Variants in XPR1 observed in about 807,000 individuals in gnomAD.
The protein encoded by XPR1 is solute carrier family 53 member 1.
XPR1 carries 28 observed loss-of-function variants against 87.5 expected under a neutral mutation model. The ratio of observed to expected loss-of-function variants is 0.32; its 90% confidence interval spans 0.24 to 0.44. XPR1 has a LOEUF of 0.44. Ranked by LOEUF, XPR1 falls within the 20% of genes least tolerant of loss-of-function variation. XPR1 has a pLI of 1.00. For synonymous variants in XPR1, 300 were observed against 306.1 expected, an observed-to-expected ratio of 0.98 and a Z score of 0.21; for missense variants, 559 against 862.3, an observed-to-expected ratio of 0.65 and a Z score of 4.41.
intron 13 of XPR1, among the ~76,000 whole-genome samples, chr1:180,875,705 A>C (rs1010139523): frequency 2.6e-5 from 4 of 152,220 alleles, no homozygotes; most frequent in African/African-American, 9.6e-5. Flanking sequence ...GTAGAAGTAA[A>C]TATAAAGAAC....
In XPR1 at chr1:180,692,027, C is replaced by A. The variant is rs533125462; in HGVS notation, c.121+9616C>A. On this transcript the variant is annotated intron_variant, in intron 2 of 14. Coordinates refer to ENST00000367590, the MANE Select transcript of XPR1 (RefSeq NM_004736.4). ...CTCTCCCCAGTTTCCACTTTGTTAT[C>A]CTGCATATTTGTCTCTAAAAAAATT... Among the ~76,000 whole-genome samples, 1,127 of 152,174 alleles carry A rather than the reference C, an allele frequency of 7.4e-3. 10 individuals carry two copies. The highest frequency in any genetic ancestry group is 0.011 in the Non-Finnish European group (771 of 67,992).
intron 3 of XPR1, among the ~76,000 whole-genome samples, chr1:180,800,221 G>T (rs1649730917): frequency 6.6e-6 from 1 of 152,154 alleles, no homozygotes; most frequent in Non-Finnish European, 1.5e-5. Context: ...TCTCATCTGG[G>T]CTGATATTTC....
chr1:180,834,608 A>C (rs546298176), intron 9 of XPR1, among the ~76,000 whole-genome samples: 1 of 152,352 alleles, frequency 6.6e-6, no homozygotes, highest in Non-Finnish European at 1.5e-5. Context: ...TTTGCAAAGA[A>C]TTAGCAGCAT....
chr1:180,818,019 G>A (rs78771802), intron 7 of XPR1, among the ~76,000 whole-genome samples: 1 of 150,280 alleles, frequency 6.7e-6, no homozygotes, highest in Non-Finnish European at 1.5e-5. Flanking sequence ...AAAAAAAAAG[G>A]CCTGGAATAG....
At chr1:180,835,098 A>T in intron 10 of XPR1, 53 bp downstream of exon 10, 1 of 1,556,076 alleles carries the variant, frequency 6.4e-7, no homozygotes, top group African/African-American at 1.4e-5. Context: ...AAACCAAGAT[A>T]TATTGGGAAG....
intron 1 of XPR1, among the ~76,000 whole-genome samples, chr1:180,677,874 G>A (rs1656419727): frequency 6.6e-6 from 1 of 152,186 alleles, no homozygotes; most frequent in Non-Finnish European, 1.5e-5. Flanking sequence ...TTAGAAGCAA[G>A]GTAGAGTTGG....
In XPR1 at chr1:180,880,188, C is replaced by T. The variant is rs755131272; in HGVS notation, c.1921C>T (p.Leu641Phe). Residue 641 changes from leucine to phenylalanine, a missense_variant, in exon 14 of 15, where the codon CTC (leucine) becomes TTC (phenylalanine). Leu to Phe is a conservative substitution (Grantham distance 22). Coordinates refer to ENST00000367590, the MANE Select transcript of XPR1 (RefSeq NM_004736.4). ...VAPLNADDQT[L>F]LEQMMDQDDG... The stretch of plus-strand genomic sequence containing the variant: ...CCCCCTGAACGCAGATGATCAGACT[C>T]TCCTAGAACAGATGATGGACCAGGA... 4 of 1,614,182 alleles carry T rather than the reference C, an allele frequency of 2.5e-6. No individual in the cohort carries two copies. Among genetic ancestry groups the T allele is most frequent in the South Asian group, 1.1e-5 (1 of 91,086 alleles).
intron 11 of XPR1, among the ~76,000 whole-genome samples, chr1:180,840,229 C>A (rs1250006482): frequency 7.6e-4 from 51 of 66,810 alleles, no homozygotes; most frequent in African/African-American, 1.3e-3. Context: ...GACTCTGTCT[C>A]AAAAAAAAAA....
chr1:180,839,394 T>C (rs879394092), intron 11 of XPR1, among the ~76,000 whole-genome samples: 9 of 152,202 alleles, frequency 5.9e-5, no homozygotes, highest in Admixed American at 4.6e-4. Flanking sequence ...ATGCAACATA[T>C]GCAAATAATT....
chr1:180,663,899 C>G (rs528321400), intron 1 of XPR1, among the ~76,000 whole-genome samples: 1 of 152,162 alleles, frequency 6.6e-6, no homozygotes, highest in Admixed American at 6.5e-5. Flanking sequence ...GCAGAGGAGT[C>G]TCCCCATGTC....
intron 1 of XPR1, among the ~76,000 whole-genome samples, chr1:180,659,090 TCCTC>T (rs1019561163): frequency 2.2e-4 from 32 of 148,828 alleles, no homozygotes; most frequent in South Asian, 8.5e-4. Flanking sequence ...CTTCCTTCCT[TCCTC>T]CCTCCCTCCC....
rs530205523 is a variant in XPR1 at position 180,678,310 on chromosome 1, T to C, written c.70-4050T>C. 7.2e-5 allele frequency among the ~76,000 whole-genome samples: 11 copies of C among 152,324 alleles called. No homozygotes were observed. The South Asian group carries it at 1.9e-3, about 26-fold the overall frequency. ...TTCTTCAGAGGTCTGGAGGTGGGGC[T>C]GAAAGTTCTAATCCTCTAATCACTT... On this transcript the variant is annotated intron_variant, in intron 1 of 14. Transcript: ENST00000367590.
intron 11 of XPR1, among the ~76,000 whole-genome samples, chr1:180,844,700 A>G (rs1476666566): frequency 6.6e-6 from 1 of 152,220 alleles, no homozygotes; most frequent in East Asian, 1.9e-4. Flanking sequence ...TCAGGCTGCT[A>G]TTCTGGCAGG....
At chr1:180,759,472 G>A (rs1268906552) in intron 2 of XPR1, among the ~76,000 whole-genome samples, 2 of 152,130 alleles carry the variant, frequency 1.3e-5, no homozygotes, top group Non-Finnish European at 2.9e-5. Flanking sequence ...TACCATCAGA[G>A]AATACTACAA....
chr1:180,839,434 A>G (rs963375850), intron 11 of XPR1, among the ~76,000 whole-genome samples: 2 of 152,266 alleles, frequency 1.3e-5, no homozygotes, highest in African/African-American at 4.8e-5. Context: ...TGTTAATTTC[A>G]GTACACATTT....
intron 12 of XPR1, among the ~76,000 whole-genome samples, chr1:180,865,374 G>A (rs966467991): frequency 4.6e-5 from 7 of 151,256 alleles, no homozygotes. Flanking sequence ...CATTGTTCTT[G>A]CCCTCTGAGA....
chr1:180,703,171 G>T (rs1413222660), intron 2 of XPR1, among the ~76,000 whole-genome samples: 2 of 152,140 alleles, frequency 1.3e-5, no homozygotes, highest in Admixed American at 6.5e-5. Flanking sequence ...ACCAGTGGTG[G>T]TGGCAGTGGG....
chr1:180,799,879 C>G (rs1558013911), intron 3 of XPR1, among the ~76,000 whole-genome samples: 2 of 152,154 alleles, frequency 1.3e-5, no homozygotes, highest in Non-Finnish European at 2.9e-5. Context: ...ACAGAGACCA[C>G]CTAGTTTACA....
rs535446375 is a variant in XPR1, at chr1:180,751,444, A to G, written c.122-36309A>G. Among the ~76,000 whole-genome samples, 256 of 152,172 alleles carry G rather than the reference A, an allele frequency of 1.7e-3. 1 individual carries two copies. The highest frequency in any genetic ancestry group is 2.7e-3 in the Non-Finnish European group (184 of 67,916). On this transcript the variant is annotated intron_variant, in intron 2 of 14. Coordinates refer to ENST00000367590, the MANE Select transcript of XPR1 (RefSeq NM_004736.4). Reference sequence around the variant, plus strand: ...ACCTAATAAATAATAGTTGGAATGAATTTATTAGAAAATATGGGTTTCTGA... The same window carrying G: ...ACCTAATAAATAATAGTTGGAATGAGTTTATTAGAAAATATGGGTTTCTGA...
Sources: gnomAD v4.1 joint callset for allele counts (sites outside exome capture counted in the v4.1 genomes callset) on GRCh38, gnomAD v4.1.1 for gene constraint, MANE v1.5 for transcripts, NCBI Gene and HGNC (gene_info 2026-07-23, HGNC 2026-07-21) for gene names.